CWH43: variants seen among roughly 807,000 people sequenced by gnomAD.
CWH43 encodes the protein cell wall biogenesis 43 C-terminal homolog.
A neutral mutation model predicts 85.7 loss-of-function variants in CWH43; 91 were observed. The observed-to-expected ratio is 1.06, with a 90% CI of 0.90 to 1.26. CWH43 has a LOEUF of 1.26. Among genes scored for constraint, CWH43 ranks in the 50% most tolerant of loss-of-function variants. The pLI is 0.00. For missense variants in CWH43, 869 were observed against 839.2 expected (o/e 1.04, Z -0.44); for synonymous variants, 323 against 293.6 (o/e 1.10, Z -1.02).
chr4:49,052,003 G>A (rs914778549), intron 15 of CWH43, among the ~76,000 whole-genome samples: 6 of 152,086 alleles, frequency 3.9e-5, no homozygotes, highest in South Asian at 2.1e-4. Context: ...AGAACATATC[G>A]TATACATTAT....
intron 5 of CWH43, among the ~76,000 whole-genome samples, chr4:48,995,768 C>T (rs1470818599): frequency 2.0e-5 from 3 of 152,206 alleles, no homozygotes; most frequent in Admixed American, 2.0e-4. Flanking sequence ...TATGACTTCT[C>T]TTAGATTAAC....
At chr4:48,996,532 T>C (rs1782820316) in intron 5 of CWH43, among the ~76,000 whole-genome samples, 1 of 152,098 alleles carries the variant, frequency 6.6e-6, no homozygotes, top group South Asian at 2.1e-4. Flanking sequence ...CTTCCATATC[T>C]GGGAGGAAGG....
chr4:48,990,886 A>G (rs1782639659), intron 2 of CWH43, among the ~76,000 whole-genome samples: 1 of 152,246 alleles, frequency 6.6e-6, no homozygotes, highest in Non-Finnish European at 1.5e-5. Context: ...CTAAATGCCC[A>G]TCAACTGATA....
chr4:49,053,497 G>A (rs2109844178), intron 15 of CWH43, among the ~76,000 whole-genome samples: 1 of 152,280 alleles, frequency 6.6e-6, no homozygotes, highest in Middle Eastern at 3.4e-3. Flanking sequence ...TAACAGGTGT[G>A]AGGTAATGTC....
chr4:49,025,114 GT>G, intron 9 of CWH43, among the ~76,000 whole-genome samples: 1 of 151,906 alleles, frequency 6.6e-6, no homozygotes, highest in East Asian at 1.9e-4. Context: ...AACCTTTGAA[GT>G]TTTTTCTTCT....
intron 9 of CWH43, among the ~76,000 whole-genome samples, chr4:49,028,156 A>T (rs1475660620): frequency 6.6e-6 from 1 of 152,092 alleles, no homozygotes; most frequent in Non-Finnish European, 1.5e-5. Flanking sequence ...AGATCCCTAG[A>T]CAATATTTTT....
At chr4:49,046,722 G>A (rs1383431228) in intron 14 of CWH43, among the ~76,000 whole-genome samples, 3 of 152,102 alleles carry the variant, frequency 2.0e-5, no homozygotes, top group Non-Finnish European at 4.4e-5. Flanking sequence ...TGGATGTTGC[G>A]GGGTAAGAGC....
rs893204422 is a variant in CWH43 at position 49,007,420 on chromosome 4, ATCC to A, written c.1186+96_1186+98del. The A allele has an allele frequency of 2.8e-4, 359 of 1,303,874 alleles. No individual in the cohort carries two copies. The African/African-American group carries it at 5.2e-3, about 19-fold the overall frequency. 80.8% of individuals were successfully genotyped at this position (1,303,874 alleles called of 1,614,324 possible). On this transcript the variant is annotated intron_variant, in intron 8 of 15. Transcript: ENST00000226432. The stretch of plus-strand genomic sequence containing the variant: ...TATAATGATCCCTCATGTATCCTTC[ATCC>A]TGTTTCAGCAATTCTCAACATTTTG...
At chr4:49,044,596 C>T (rs1434753928) in intron 13 of CWH43, among the ~76,000 whole-genome samples, 190 bp from the exon 14 acceptor site, 1 of 152,210 alleles carries the variant, frequency 6.6e-6, no homozygotes, top group East Asian at 1.9e-4. Flanking sequence ...TAGATAGGCG[C>T]ACAGTAGGTG....
intron 12 of CWH43, among the ~76,000 whole-genome samples, chr4:49,034,070 T>A (rs1246406282): frequency 2.0e-5 from 3 of 152,204 alleles, no homozygotes; most frequent in Admixed American, 6.5e-5. Flanking sequence ...CATCCAAATA[T>A]AATTAATATG....
intron 1 of CWH43, 57 bp from the exon 2 acceptor site, chr4:48,988,420 C>A: frequency 1.5e-6 from 2 of 1,374,750 alleles, no homozygotes; most frequent in South Asian, 1.4e-5. Flanking sequence ...ACAGGACTGT[C>A]GTTAGAAACA....
intron 14 of CWH43, among the ~76,000 whole-genome samples, chr4:49,045,098 A>G (rs180923853): frequency 1.3e-5 from 2 of 152,276 alleles, no homozygotes; most frequent in African/African-American, 2.4e-5. Context: ...TGTGTAGGCT[A>G]TTAGGCATGG....
chr4:49,021,387 C>T (rs955461871), intron 9 of CWH43, among the ~76,000 whole-genome samples: 1 of 152,140 alleles, frequency 6.6e-6, no homozygotes, highest in East Asian at 1.9e-4. Flanking sequence ...TTTCTGGGTT[C>T]TCTACTCTGT....
intron 4 of CWH43, among the ~76,000 whole-genome samples, chr4:48,993,817 C>T (rs541663304): frequency 1.3e-5 from 2 of 152,250 alleles, no homozygotes; most frequent in East Asian, 1.9e-4. Context: ...TGCAGTGTCA[C>T]GATCTCAGCG....
At chr4:49,045,995 C>G (rs1478959735) in intron 14 of CWH43, among the ~76,000 whole-genome samples, 1 of 152,106 alleles carries the variant, frequency 6.6e-6, no homozygotes, top group Non-Finnish European at 1.5e-5. Context: ...ACTAACATCT[C>G]CCCATCTCTC....
intron 9 of CWH43, among the ~76,000 whole-genome samples, chr4:49,017,680 T>C (rs1290927721): frequency 6.6e-6 from 1 of 152,164 alleles, no homozygotes; most frequent in East Asian, 1.9e-4. Context: ...ATTTTAATTA[T>C]CCCATGGTTC....
Position 49,030,821 on chromosome 4 carries a change from A to T in CWH43, c.1373-4A>T, listed in dbSNP as rs1285326183. ...CTGTATGCTACTTTTTTTTTTCTGA[A>T]CAGGTGCAGATTTCATAACAATTTT... On this transcript the variant is annotated splice_polypyrimidine_tract_variant and splice_region_variant and intron_variant, in intron 10 of 15. Transcript: ENST00000226432. 2 of 1,559,158 alleles carry T rather than the reference A, an allele frequency of 1.3e-6. No homozygotes were observed. Among genetic ancestry groups the T allele is most frequent in the Admixed American group, 4.3e-5 (2 of 46,702 alleles).
intron 14 of CWH43, among the ~76,000 whole-genome samples, chr4:49,045,667 C>T (rs1283968782): frequency 6.6e-6 from 1 of 152,140 alleles, no homozygotes; most frequent in Admixed American, 6.6e-5. Flanking sequence ...TAAGTATGCA[C>T]TATGATGTCC....
intron 13 of CWH43, among the ~76,000 whole-genome samples, chr4:49,038,867 G>A (rs920562549): frequency 6.6e-6 from 1 of 151,464 alleles, no homozygotes; most frequent in African/African-American, 2.4e-5. Context: ...GACCATCCTG[G>A]TTAACATGGT....
Sources: allele counts gnomAD v4.1 joint callset (sites outside exome capture counted in the v4.1 genomes callset), GRCh38; gene constraint gnomAD v4.1.1; transcripts MANE v1.5; gene names NCBI Gene and HGNC (gene_info 2026-07-23, HGNC 2026-07-21).